The following BPI variants were observed in gnomAD, a reference collection of about 807,000 sequenced individuals.
BPI encodes the protein bactericidal permeability-increasing protein.
In BPI, 48 loss-of-function variants were observed where a neutral mutation model predicts 57.6. The observed-to-expected ratio is 0.83, with a 90% CI of 0.66 to 1.06. The LOEUF (loss-of-function observed/expected upper bound fraction) is 1.06. BPI is among the 50% of genes least tolerant of loss of function. The probability of loss-of-function intolerance (pLI) is 0.00; values close to 1 mark genes in which losing one functional copy is unlikely to be tolerated. For missense variants in BPI, 651 were observed against 609.7 expected (o/e 1.07, Z -0.71); for synonymous variants, 237 against 238.2 (o/e 0.99, Z 0.05).
At chr20:38,314,170 GGAT>G (rs1306480207) in intron 5 of BPI, among the ~76,000 whole-genome samples, 1 of 103,402 alleles carries the variant, frequency 9.7e-6, no homozygotes, top group Non-Finnish European at 2.1e-5. Context: ...GTGATGGTGG[GGAT>G]GATGATAATA....
intron 12 of BPI, 121 bp downstream of exon 12, chr20:38,331,211 G>A: frequency 1.6e-6 from 2 of 1,251,846 alleles, no homozygotes; most frequent in South Asian, 2.6e-5. Context: ...TAATTTGGTT[G>A]TGAATTAATA....
intron 6 of BPI, chr20:38,319,982 G>C (rs2076672782): frequency 3.4e-6 from 2 of 591,928 alleles, no homozygotes; most frequent in African/African-American, 1.9e-5. Flanking sequence ...GAAGAAGAGA[G>C]TAAGGGGGTG....
At chr20:38,305,498 C>T (rs1568807017) in intron 1 of BPI, among the ~76,000 whole-genome samples, 1 of 152,166 alleles carries the variant, frequency 6.6e-6, no homozygotes, top group Non-Finnish European at 1.5e-5. Flanking sequence ...CTATCCTGAC[C>T]CTTTGGCATG....
rs1315781695 is a variant in BPI, at chr20:38,323,896, C to A, written c.783C>A (p.His261Gln). The change falls in exon 8 of 15, where the codon CAC becomes CAA. Residue 261 changes from histidine (H) to glutamine (Q), a missense_variant. Coordinates refer to ENST00000642449, the MANE Select transcript of BPI (RefSeq NM_001725.3). The stretch of plus-strand genomic sequence containing the variant: ...GGGAGTTTTACAGTGAGAACCACCA[C>A]AATCCACCTCCCTTTGCTCCACCAG... Reference protein sequence around the residue: ...MKGEFYSENHHNPPPFAPPVM... With the variant: ...MKGEFYSENHQNPPPFAPPVM... The A allele has an allele frequency of 2.5e-6, 4 of 1,614,054 alleles. No individual in the cohort carries two copies. The highest frequency in any genetic ancestry group is 3.4e-6 in the Non-Finnish European group (4 of 1,180,020).
chr20:38,320,961 G>A (rs2076679440), intron 7 of BPI, among the ~76,000 whole-genome samples: 1 of 141,684 alleles, frequency 7.1e-6, no homozygotes, highest in Admixed American at 7.1e-5. Flanking sequence ...TGGGTGTGTT[G>A]GTGGGTGGAT....
At chr20:38,306,176 C>T (rs891068642) in intron 1 of BPI, among the ~76,000 whole-genome samples, 2 of 152,178 alleles carry the variant, frequency 1.3e-5, no homozygotes, top group Admixed American at 6.5e-5. Context: ...GGATTACAGG[C>T]GTGCACCATC....
Position 38,311,936 on chromosome 20 carries a change from A to C in BPI, c.599A>C (p.Gln200Pro). Reference sequence around the variant, plus strand: ...GCGCTTCGAAACAAGATGAACAGCCAGGTAGGAGGGGCTCAGAGCCCCATC... The same window carrying C: ...GCGCTTCGAAACAAGATGAACAGCCCGGTAGGAGGGGCTCAGAGCCCCATC... ...ESALRNKMNS[Q>P]VCEKVTNSVS... Residue 200 changes from glutamine (Q) to proline (P), a missense_variant and splice_region_variant, in exon 5 of 15, where the codon CAG (glutamine) becomes CCG (proline). By Grantham distance (76) the Gln-to-Pro change is moderately conservative. Coordinates refer to ENST00000642449, the MANE Select transcript of BPI (RefSeq NM_001725.3). The C allele has an allele frequency of 1.2e-6, 2 of 1,613,932 alleles. No homozygotes were observed. Among genetic ancestry groups the C allele is most frequent in the Non-Finnish European group, 1.7e-6 (2 of 1,179,958 alleles).
chr20:38,324,760 A>T lies in BPI; in HGVS notation c.934-14A>T. On this transcript the variant is annotated splice_polypyrimidine_tract_variant and intron_variant, in intron 8 of 14. Coordinates refer to ENST00000642449, the MANE Select transcript of BPI (RefSeq NM_001725.3). ...CAGCATCCTCCGAGATCCTTTTCTC[A>T]TCTCTTGCTACAGATTCCAAAGGAG... 6.2e-7 allele frequency: 1 copy of T among 1,605,454 alleles called. No homozygotes were observed. The highest frequency in any genetic ancestry group is 1.7e-5 in the Admixed American group (1 of 60,010).
rs779376699 is a variant in BPI, at chr20:38,337,170, G to A, written c.1438G>A (p.Val480Ile). The change falls in exon 15 of 15, where the codon GTT becomes ATT. Residue 480 changes from valine (V) to isoleucine (I), a missense_variant. Physicochemically the swap from Val to Ile is conservative, Grantham distance 29. Coordinates refer to ENST00000642449, the MANE Select transcript of BPI (RefSeq NM_001725.3). ...GAACTTCCTGCTGTTCGGTGCAGAC[G>A]TTGTCTATAAATGAAGGCACCAGGG... ...HQNFLLFGAD[V>I]VYK 7 of 1,592,658 alleles carry A rather than the reference G, an allele frequency of 4.4e-6. No homozygotes were observed. The highest frequency in any genetic ancestry group is 5.1e-6 in the Non-Finnish European group (6 of 1,171,412).
At chr20:38,306,688 T>C (rs2076598271) in intron 1 of BPI, among the ~76,000 whole-genome samples, 1 of 152,040 alleles carries the variant, frequency 6.6e-6, no homozygotes, top group Admixed American at 6.6e-5. Context: ...GGGGAGACAG[T>C]CCAAAACCCA....
At chr20:38,318,317 C>T (rs1275370159) in intron 5 of BPI, 96 bp from the exon 6 acceptor site, 1 of 1,363,570 alleles carries the variant, frequency 7.3e-7, no homozygotes, top group South Asian at 1.2e-5. Flanking sequence ...TTCAAGAAAA[C>T]ATTCAAGGAA....
chr20:38,317,454 G>T (rs1425226871), intron 5 of BPI, among the ~76,000 whole-genome samples: 1 of 152,204 alleles, frequency 6.6e-6, no homozygotes, highest in Non-Finnish European at 1.5e-5. Context: ...CATCTCTGGT[G>T]CCTGGGCTAG....
rs1056233082 is a variant in BPI, at chr20:38,317,644, G to A, written c.601-769G>A. ...TGTTCTGTTGCTTAGAAGCAAGTCG[G>A]CAAGCCCAGATTCTAGTGGCAAGTT... On this transcript the variant is annotated intron_variant, in intron 5 of 14. Transcript: ENST00000642449. 15 of 733,284 alleles carry A rather than the reference G, an allele frequency of 2.0e-5. 1 individual carries two copies. In the African/African-American group the frequency reaches 2.3e-4, roughly 11 times the overall value. The allele number at this position is 733,284 out of a possible 1,614,324, so 45.4% of individuals were successfully genotyped here.
chr20:38,317,083 C>T (rs2076655913), intron 5 of BPI, among the ~76,000 whole-genome samples: 1 of 152,074 alleles, frequency 6.6e-6, no homozygotes. Flanking sequence ...CCAGGAGCTA[C>T]CCAGTAGTCA....
chr20:38,311,504 A>G (rs1427558837), intron 4 of BPI, among the ~76,000 whole-genome samples: 1 of 152,184 alleles, frequency 6.6e-6, no homozygotes, highest in Non-Finnish European at 1.5e-5. Context: ...GGCATTAGTT[A>G]GGGAGGTGTT....
At position 38,326,223 on chromosome 20, in the gene BPI, G is replaced by A. The variant is rs1481612577; in HGVS notation, c.994-42G>A. ...GGTAGGATTCAGAAACATTTTAACA[G>A]AAACTCCTCCTTTCGTTGATTGTCT... is the stretch of plus-strand genomic sequence containing the variant. On this transcript the variant is annotated intron_variant, in intron 9 of 14. Coordinates refer to ENST00000642449, the MANE Select transcript of BPI (RefSeq NM_001725.3). 10 of 1,578,350 alleles carry A rather than the reference G, an allele frequency of 6.3e-6. No homozygotes were observed. In the South Asian group the frequency reaches 1.1e-4, roughly 18 times the overall value.
chr20:38,333,318 C>T (rs538018088), intron 12 of BPI, among the ~76,000 whole-genome samples: 157 of 151,908 alleles, frequency 1.0e-3, no homozygotes, highest in Non-Finnish European at 1.7e-3. Context: ...GAATAACAGG[C>T]CAGGAAAAGA....
chr20:38,307,524 C>G, intron 1 of BPI, 43 bp from the exon 2 acceptor site: 1 of 1,477,732 alleles, frequency 6.8e-7, no homozygotes, highest in South Asian at 1.2e-5. Flanking sequence ...GTCCCCTGCT[C>G]CAGGCTGTGC....
In BPI at chr20:38,304,270, T is replaced by C. The variant is rs1220922932; in HGVS notation, c.47T>C (p.Val16Ala). The change falls in exon 1 of 15, where the codon GTG becomes GCG. Residue 16 changes from valine to alanine, a missense_variant. Transcript: ENST00000642449. Reference sequence around the variant, plus strand: ...GCGCCGAGATGGGCGTCCCTGATGGTGCTGGTCGCCATAGGCACCGCCGTG... The same window carrying C: ...GCGCCGAGATGGGCGTCCCTGATGGCGCTGGTCGCCATAGGCACCGCCGTG... ...CNAPRWASLM[V>A]LVAIGTAVTA... 1.2e-6 allele frequency: 2 copies of C among 1,614,102 alleles called. No homozygotes were observed. The highest frequency in any genetic ancestry group is 1.7e-5 in the Admixed American group (1 of 60,026).
Sources: gnomAD v4.1 joint callset for allele counts (sites outside exome capture counted in the v4.1 genomes callset) on GRCh38, gnomAD v4.1.1 for gene constraint, MANE v1.5 for transcripts, NCBI Gene and HGNC (gene_info 2026-07-23, HGNC 2026-07-21) for gene names.